Variants in HDAC9 observed in about 807,000 individuals in gnomAD.
HDAC9 encodes the protein histone deacetylase 9, also known as MEF-2 interacting transcription repressor (MITR) protein.
In HDAC9, 41 loss-of-function variants were observed where a neutral mutation model predicts 139.4. That is an observed-to-expected ratio of 0.29 (90% CI 0.23 to 0.38). The LOEUF is 0.38. HDAC9 is among the 10% of genes least tolerant of loss of function. The probability of loss-of-function intolerance (pLI) is 1.00; values close to 1 mark genes in which losing one functional copy is unlikely to be tolerated. For synonymous variants in HDAC9, 517 were observed against 476.2 expected (o/e 1.09, Z -1.12); for missense variants, 1,147 against 1,297.0 (o/e 0.88, Z 1.78).
At chr7:18,478,357 C>T (rs1028064300) in intron 1 of HDAC9, among the ~76,000 whole-genome samples, 1 of 152,176 alleles carries the variant, frequency 6.6e-6, no homozygotes, top group Non-Finnish European at 1.5e-5. Flanking sequence ...AGGCGTGAGC[C>T]GCCACGCCGG....
chr7:18,160,145 C>T (rs1249664094), intron 1 of HDAC9, among the ~76,000 whole-genome samples: 2 of 152,150 alleles, frequency 1.3e-5, no homozygotes, highest in African/African-American at 2.4e-5. Flanking sequence ...TGCAAAGTGA[C>T]GTTAAAGATG....
chr7:18,389,185 C>T (rs1786231431), intron 1 of HDAC9, among the ~76,000 whole-genome samples: 1 of 152,180 alleles, frequency 6.6e-6, no homozygotes, highest in Non-Finnish European at 1.5e-5. Flanking sequence ...TAAGCTAATA[C>T]TTAAGTGTTG....
chr7:18,369,244 C>G (rs10486302), intron 1 of HDAC9, among the ~76,000 whole-genome samples: 7,853 of 152,002 alleles, frequency 0.052, 352 homozygotes, highest in African/African-American at 0.12. Context: ...CTCAATGTAA[C>G]AGCAGAATAG....
chr7:18,707,311 A>C (rs1179747006), intron 12 of HDAC9, among the ~76,000 whole-genome samples: 1 of 152,212 alleles, frequency 6.6e-6, no homozygotes, highest in Admixed American at 6.5e-5. Context: ...AGAAATTACA[A>C]GTGAAGGAAG....
intron 2 of HDAC9, among the ~76,000 whole-genome samples, chr7:18,274,565 A>G (rs1796592447): frequency 6.6e-6 from 1 of 152,182 alleles, no homozygotes; most frequent in South Asian, 2.1e-4. Context: ...GCCACATCAG[A>G]GACCAAATTT....
intron 12 of HDAC9, among the ~76,000 whole-genome samples, chr7:18,678,085 C>G (rs901477461): frequency 2.0e-5 from 3 of 151,776 alleles, no homozygotes; most frequent in Non-Finnish European, 4.4e-5. Flanking sequence ...TTATTCTGGT[C>G]TATTTGTTAG....
intron 1 of HDAC9, among the ~76,000 whole-genome samples, chr7:18,330,898 T>C (rs1306597166): frequency 6.6e-6 from 1 of 151,744 alleles, no homozygotes; most frequent in East Asian, 1.9e-4. Flanking sequence ...TTTAGCATTG[T>C]GGCATCCTGG....
At chr7:18,450,400 C>A (rs910067427) in intron 1 of HDAC9, among the ~76,000 whole-genome samples, 1 of 152,184 alleles carries the variant, frequency 6.6e-6, no homozygotes, top group Non-Finnish European at 1.5e-5. Context: ...GAAGCCTTTG[C>A]TTTTGGCAAA....
intron 2 of HDAC9, among the ~76,000 whole-genome samples, chr7:18,170,792 T>G (rs1202785181): frequency 6.6e-6 from 1 of 152,206 alleles, no homozygotes; most frequent in Non-Finnish European, 1.5e-5. Context: ...TCTGTTCTGT[T>G]CCATTGTTCT....
At position 18,989,700 on chromosome 7, in the gene HDAC9, G is replaced by GT. The variant is rs1785700981; in HGVS notation, c.3171-6322dup. On this transcript the variant is annotated intron_variant, in intron 25 of 25. Coordinates refer to ENST00000686413, the MANE Select transcript of HDAC9 (RefSeq NM_178425.4). Reference sequence around the variant, plus strand: ...TCACTTTCAGGTACACCAATCAGACGTAGATTTGGTCTTTTCACATAGTCC... The same window carrying GT: ...TCACTTTCAGGTACACCAATCAGACGTTAGATTTGGTCTTTTCACATAGTCC... Among the ~76,000 whole-genome samples, 4 of 145,866 alleles carry GT rather than the reference G, an allele frequency of 2.7e-5. No homozygotes were observed. In the South Asian group the frequency reaches 9.2e-4, roughly 33 times the overall value.
At chr7:18,722,368 G>T (rs1785209193) in intron 12 of HDAC9, among the ~76,000 whole-genome samples, 1 of 152,138 alleles carries the variant, frequency 6.6e-6, no homozygotes, top group Non-Finnish European at 1.5e-5. Flanking sequence ...TGCTCAATAA[G>T]TAAAATGTTA....
At chr7:18,673,908 C>G (rs944351176) in intron 12 of HDAC9, among the ~76,000 whole-genome samples, 4 of 151,978 alleles carry the variant, frequency 2.6e-5, no homozygotes. Flanking sequence ...GAAAGTCTGC[C>G]AAATGTTTTA....
intron 24 of HDAC9, among the ~76,000 whole-genome samples, chr7:18,967,125 G>C (rs1315782082): frequency 6.6e-6 from 1 of 151,900 alleles, no homozygotes; most frequent in Non-Finnish European, 1.5e-5. Flanking sequence ...AGAAGCAGCA[G>C]TTTCTACTTT....
At chr7:18,209,740 G>A (rs572749051) in intron 2 of HDAC9, among the ~76,000 whole-genome samples, 4 of 151,122 alleles carry the variant, frequency 2.6e-5, no homozygotes, top group Non-Finnish European at 4.4e-5. Flanking sequence ...TCACTCTGTT[G>A]CCCAGGCTGG....
At chr7:18,114,481 T>C (rs1234990637) in intron 1 of HDAC9, among the ~76,000 whole-genome samples, 2 of 152,214 alleles carry the variant, frequency 1.3e-5, no homozygotes, top group African/African-American at 2.4e-5. Context: ...TTACTATCAG[T>C]TGAATGCTAT....
chr7:18,269,269 A>T (rs375268446), intron 2 of HDAC9, among the ~76,000 whole-genome samples: 1 of 152,206 alleles, frequency 6.6e-6, no homozygotes, highest in East Asian at 1.9e-4. Flanking sequence ...ATAGTTCCTC[A>T]ACCAGGAATT....
At chr7:18,749,398 G>T (rs185696260) in intron 14 of HDAC9, among the ~76,000 whole-genome samples, 204 of 152,262 alleles carry the variant, frequency 1.3e-3, no homozygotes, top group Middle Eastern at 3.4e-3. Context: ...CATATACATG[G>T]TAGCACTGTT....
At position 18,816,857 on chromosome 7, in the gene HDAC9, G is replaced by C. The variant is rs369959568; in HGVS notation, c.2323-12304G>C. Among the ~76,000 whole-genome samples, 12 of 152,256 alleles carry C rather than the reference G, an allele frequency of 7.9e-5. No individual in the cohort carries two copies. The East Asian group carries it at 2.1e-3, about 27-fold the overall frequency. On this transcript the variant is annotated intron_variant, in intron 17 of 25. Coordinates refer to ENST00000686413, the MANE Select transcript of HDAC9 (RefSeq NM_178425.4). The stretch of plus-strand genomic sequence containing the variant: ...ATGGAATCCCATATCACTATGTTAA[G>C]TGTAATCAACACCATTTTGGATGGG...
chr7:18,152,135 G>C (rs887712976), intron 1 of HDAC9, among the ~76,000 whole-genome samples: 5 of 151,746 alleles, frequency 3.3e-5, no homozygotes. Flanking sequence ...TAGCTATCAG[G>C]GCTGCAGTGT....
Sources: allele counts gnomAD v4.1 joint callset (sites outside exome capture counted in the v4.1 genomes callset), GRCh38; gene constraint gnomAD v4.1.1; transcripts MANE v1.5; gene names NCBI Gene and HGNC (gene_info 2026-07-23, HGNC 2026-07-21).